RAB3B: variants seen among roughly 807,000 people sequenced by gnomAD.
The protein encoded by RAB3B is ras-related protein Rab-3B.
A neutral mutation model predicts 20.5 loss-of-function variants in RAB3B; 11 were observed. The ratio of observed to expected loss-of-function variants is 0.54; its 90% CI spans 0.34 to 0.89. The LOEUF (loss-of-function observed/expected upper bound fraction) is 0.89, where lower values mean the gene tolerates loss of function less well. Ranked by LOEUF, RAB3B falls within the 40% of genes least tolerant of loss-of-function variation. The pLI is 0.02. For synonymous variants in RAB3B, 99 were observed against 106.3 expected, an observed-to-expected ratio of 0.93 and a Z score of 0.42; for missense variants, 225 against 280.9, an observed-to-expected ratio of 0.80 and a Z score of 1.42.
At chr1:51,920,192 C>T (rs1684153783) in intron 4 of RAB3B, 78 bp from the exon 5 acceptor site, 1 of 1,324,372 alleles carries the variant, frequency 7.6e-7, no homozygotes, top group Non-Finnish European at 1.0e-6. Flanking sequence ...AGCCCAAGCA[C>T]TCTGGATTAA....
intron 1 of RAB3B, among the ~76,000 whole-genome samples, chr1:51,984,263 TAAAAAAAAAAAAAAAAAAAAA>T (rs1166997647): frequency 9.7e-5 from 2 of 20,674 alleles, no homozygotes; most frequent in African/African-American, 3.6e-4. Flanking sequence ...ACTCTCTAAT[TAAAAAAAAAAAAAAAAAAAAA>T]AAAAAAAAAA....
intron 3 of RAB3B, among the ~76,000 whole-genome samples, 168 bp from the exon 4 acceptor site, chr1:51,933,610 G>A (rs1247776752): frequency 1.3e-5 from 2 of 152,100 alleles, no homozygotes; most frequent in African/African-American, 4.8e-5. Context: ...TAATAAATGT[G>A]TCCATATAAG....
intron 1 of RAB3B, among the ~76,000 whole-genome samples, chr1:51,977,454 A>AAC (rs1483405056): frequency 6.6e-6 from 1 of 152,222 alleles, no homozygotes; most frequent in Non-Finnish European, 1.5e-5. Context: ...AAGGTGGGTC[A>AAC]ACACAGAGTA....
chr1:51,922,020 A>G (rs1198225343), intron 4 of RAB3B, among the ~76,000 whole-genome samples: 1 of 152,078 alleles, frequency 6.6e-6, no homozygotes, highest in African/African-American at 2.4e-5. Context: ...CCTGTGGCCC[A>G]TCTCCTGACC....
chr1:51,961,763 G>C (rs1378355117), intron 2 of RAB3B, among the ~76,000 whole-genome samples: 2 of 152,062 alleles, frequency 1.3e-5, no homozygotes, highest in East Asian at 1.9e-4. Context: ...AAGACAGTCA[G>C]ACCTTTATTT....
chr1:51,928,969 G>A (rs1359194690), intron 4 of RAB3B, among the ~76,000 whole-genome samples: 2 of 152,168 alleles, frequency 1.3e-5, no homozygotes, highest in Admixed American at 6.5e-5. Flanking sequence ...CACTTGTGGT[G>A]GACTTATGTT....
intron 2 of RAB3B, among the ~76,000 whole-genome samples, chr1:51,956,753 C>A (rs1468742614): frequency 6.6e-6 from 1 of 152,216 alleles, no homozygotes; most frequent in African/African-American, 2.4e-5. Context: ...TACCCACAGG[C>A]AGAAATAATG....
chr1:51,977,840 C>A (rs577728684), intron 1 of RAB3B, among the ~76,000 whole-genome samples: 6 of 152,170 alleles, frequency 3.9e-5, no homozygotes, highest in African/African-American at 1.4e-4. Context: ...ACTTTCATGG[C>A]TTTCCACAGC....
chr1:51,932,795 T>C (rs1037074031), intron 4 of RAB3B, among the ~76,000 whole-genome samples: 4 of 152,170 alleles, frequency 2.6e-5, no homozygotes, highest in Admixed American at 2.0e-4. Flanking sequence ...GTTTTTATAC[T>C]AGGACACTCT....
chr1:51,972,885 T>C (rs375755502), intron 2 of RAB3B, among the ~76,000 whole-genome samples: 2 of 152,256 alleles, frequency 1.3e-5, no homozygotes, highest in Admixed American at 1.3e-4. Context: ...CCTTGCTTGC[T>C]TGCTTGCTTC....
rs1024050694 is a variant in RAB3B at position 51,973,192 on chromosome 1, T to C, written c.228+3698A>G. On this transcript the variant is annotated intron_variant, in intron 2 of 4. Coordinates refer to ENST00000371655, the MANE Select transcript of RAB3B (RefSeq NM_002867.4). ...AAAAATGTAGGTACAGCACACACAG[T>C]ATATGTGTATTCTTTAGATTATATA... Among the ~76,000 whole-genome samples the C allele has an allele frequency of 2.0e-5, 3 of 152,226 alleles. No individual in the cohort carries two copies. In the East Asian group the frequency reaches 5.8e-4, roughly 29 times the overall value.
At chr1:51,965,916 T>A (rs751944458) in intron 2 of RAB3B, among the ~76,000 whole-genome samples, 1 of 152,212 alleles carries the variant, frequency 6.6e-6, no homozygotes, top group Admixed American at 6.5e-5. Flanking sequence ...ACACTATCAC[T>A]GCAACTTTTC....
chr1:51,911,267 G>A lies in RAB3B; in HGVS notation c.*8660C>T, dbSNP rs1008455960. The A allele has an allele frequency of 3.9e-5, 6 of 152,230 alleles. No individual in the cohort carries two copies. The highest frequency in any genetic ancestry group is 2.1e-4 in the South Asian group (1 of 4,828). 9.4% of individuals were successfully genotyped at this position (152,230 alleles called of 1,614,324 possible). A position where few individuals can be genotyped will look rare whatever the true frequency, so the allele number is the denominator to read the frequency against. On this transcript the variant is annotated 3_prime_UTR_variant, in exon 5 of 5. Coordinates refer to ENST00000371655, the MANE Select transcript of RAB3B (RefSeq NM_002867.4). The stretch of plus-strand genomic sequence containing the variant: ...TCACCTTGAGAAATCCCTCTTCTTC[G>A]TTCCTTCAGGTACAAGAAGAGAGGA...
intron 2 of RAB3B, among the ~76,000 whole-genome samples, chr1:51,938,393 A>G (rs774805159): frequency 6.6e-6 from 1 of 152,174 alleles, no homozygotes; most frequent in Admixed American, 6.5e-5. Flanking sequence ...TCAGACAAAT[A>G]TGTATGTACA....
intron 4 of RAB3B, among the ~76,000 whole-genome samples, chr1:51,925,012 C>A (rs572738803): frequency 2.1e-4 from 32 of 152,220 alleles, no homozygotes; most frequent in Admixed American, 6.5e-4. Context: ...CTCCACCCCC[C>A]AAAAATGATC....
Position 51,911,757 on chromosome 1 carries a change from C to G in RAB3B, c.*8170G>C, listed in dbSNP as rs1684001526. 6.6e-6 allele frequency: 1 copy of G among 152,162 alleles called. No homozygotes were observed. The highest frequency in any genetic ancestry group is 1.5e-5 in the Non-Finnish European group (1 of 68,042). 9.4% of individuals were successfully genotyped at this position (152,162 alleles called of 1,614,324 possible). On this transcript the variant is annotated 3_prime_UTR_variant, in exon 5 of 5. Transcript: ENST00000371655. Reference sequence around the variant, plus strand: ...GCCATCACAGCTTTAGACCTCATATCTTCAAATATTTGCCACTCAAATGGA... The same window carrying G: ...GCCATCACAGCTTTAGACCTCATATGTTCAAATATTTGCCACTCAAATGGA...
Sources: gnomAD v4.1 joint callset for allele counts (sites outside exome capture counted in the v4.1 genomes callset) on GRCh38, gnomAD v4.1.1 for gene constraint, MANE v1.5 for transcripts, NCBI Gene and HGNC (gene_info 2026-07-23, HGNC 2026-07-21) for gene names.